CACNG3: variants seen among roughly 807,000 people sequenced by gnomAD.
CACNG3 encodes the protein voltage-dependent calcium channel gamma-3 subunit.
CACNG3 carries 3 observed loss-of-function variants against 28.5 expected under a neutral mutation model. The observed-to-expected ratio is 0.11, with a 90% CI of 0.05 to 0.27. The LOEUF is 0.27. CACNG3 is among the 10% of genes least tolerant of loss of function. The pLI is 1.00. For missense variants in CACNG3, 236 were observed against 414.4 expected (o/e 0.57, Z 3.74); for synonymous variants, 174 against 162.2 (o/e 1.07, Z -0.55).
chr16:24,304,634 C>T (rs951875614), intron 1 of CACNG3, among the ~76,000 whole-genome samples: 2 of 152,150 alleles, frequency 1.3e-5, no homozygotes, highest in East Asian at 3.9e-4. Context: ...AGTGCAGTAG[C>T]GCAATCTCAG....
intron 1 of CACNG3, among the ~76,000 whole-genome samples, chr16:24,317,616 AAGAAAGAAAG>A (rs1899381066): frequency 4.4e-5 from 3 of 68,872 alleles, no homozygotes; most frequent in African/African-American, 2.0e-4. Flanking sequence ...GAAAGAAAGA[AAGAAAGAAAG>A]ACAGACAGAA....
intron 1 of CACNG3, among the ~76,000 whole-genome samples, chr16:24,268,914 G>T (rs1004102575): frequency 1.3e-5 from 2 of 152,164 alleles, no homozygotes; most frequent in Admixed American, 1.3e-4. Flanking sequence ...TCAACTCCAG[G>T]TTTTGGGCTT....
At position 24,299,344 on chromosome 16, in the gene CACNG3, T is replaced by C. The variant is rs192558551; in HGVS notation, c.211+42379T>C. Among the ~76,000 whole-genome samples, 44 of 152,344 alleles carry C rather than the reference T, an allele frequency of 2.9e-4. No homozygotes were observed. The East Asian group carries it at 8.1e-3, about 28-fold the overall frequency. ...CTTCGGCACTGGGAATGCTTTCAGC[T>C]GCCTCCTGTGTCCCTTTGAAGCAGC... On this transcript the variant is annotated intron_variant, in intron 1 of 3. Coordinates refer to ENST00000005284, the MANE Select transcript of CACNG3 (RefSeq NM_006539.4).
chr16:24,324,733 C>G (rs1899516967), intron 1 of CACNG3, among the ~76,000 whole-genome samples: 1 of 152,194 alleles, frequency 6.6e-6, no homozygotes, highest in African/African-American at 2.4e-5. Context: ...TCAGCCTTCT[C>G]TCAGCTTTTC....
Position 24,346,837 on chromosome 16 carries a change from G to C in CACNG3, c.295+20G>C, listed in dbSNP as rs193097772. On this transcript the variant is annotated intron_variant, in intron 2 of 3. Coordinates refer to ENST00000005284, the MANE Select transcript of CACNG3 (RefSeq NM_006539.4). Reference sequence around the variant, plus strand: ...TCCTGCGTAAGTTCCCCGGCTTCTCGGGTCTCTCTGGGAGGAAGGGATGGG... The same window carrying C: ...TCCTGCGTAAGTTCCCCGGCTTCTCCGGTCTCTCTGGGAGGAAGGGATGGG... 6.3e-7 allele frequency: 1 copy of C among 1,597,418 alleles called. No homozygotes were observed. Among genetic ancestry groups the C allele is most frequent in the South Asian group, 1.1e-5 (1 of 90,702 alleles).
chr16:24,316,713 G>C (rs2141367401), intron 1 of CACNG3, among the ~76,000 whole-genome samples: 1 of 152,314 alleles, frequency 6.6e-6, no homozygotes, highest in East Asian at 1.9e-4. Context: ...GACCCAGGCT[G>C]TCCCTTCCCC....
chr16:24,278,878 T>C (rs1210804624), intron 1 of CACNG3, among the ~76,000 whole-genome samples: 3 of 152,162 alleles, frequency 2.0e-5, no homozygotes, highest in Admixed American at 6.5e-5. Flanking sequence ...AGCTGACTCC[T>C]TGAATGGAGA....
chr16:24,341,937 A>T (rs1233240967), intron 1 of CACNG3, among the ~76,000 whole-genome samples: 2 of 152,204 alleles, frequency 1.3e-5, no homozygotes, highest in East Asian at 3.9e-4. Flanking sequence ...AGAAACTGCG[A>T]ATCAGTTTTT....
chr16:24,262,544 C>CT (rs1898550009), intron 1 of CACNG3, among the ~76,000 whole-genome samples: 1 of 152,254 alleles, frequency 6.6e-6, no homozygotes, highest in South Asian at 2.1e-4. Flanking sequence ...TACCCTAGCC[C>CT]TTACTGGGGC....
At chr16:24,330,118 A>C (rs534777964) in intron 1 of CACNG3, among the ~76,000 whole-genome samples, 1 of 152,346 alleles carries the variant, frequency 6.6e-6, no homozygotes, top group Non-Finnish European at 1.5e-5. Flanking sequence ...CGCAATGAGC[A>C]TCCCTCACAT....
chr16:24,358,881 G>A (rs1262360337), intron 3 of CACNG3, among the ~76,000 whole-genome samples: 1 of 152,148 alleles, frequency 6.6e-6, no homozygotes, highest in African/African-American at 2.4e-5. Context: ...ATCTGTAAAA[G>A]AGAAATCATT....
intron 1 of CACNG3, among the ~76,000 whole-genome samples, chr16:24,276,941 T>C (rs1898760497): frequency 6.6e-6 from 1 of 152,190 alleles, no homozygotes; most frequent in Non-Finnish European, 1.5e-5. Flanking sequence ...CCTTCTAACC[T>C]ATAATTAAAG....
chr16:24,312,953 A>G (rs202054232), intron 1 of CACNG3, among the ~76,000 whole-genome samples: 1,052 of 74,828 alleles, frequency 0.014, 10 homozygotes, highest in African/African-American at 0.042. Context: ...GAAAGAAAGA[A>G]AGAGAAAGAA....
At position 24,319,901 on chromosome 16, in the gene CACNG3, G is replaced by C. The variant is rs552442505; in HGVS notation, c.212-26833G>C. On this transcript the variant is annotated intron_variant, in intron 1 of 3. Coordinates refer to ENST00000005284, the MANE Select transcript of CACNG3 (RefSeq NM_006539.4). ...TTCTCCTGCCTCAGCCTCCCAAGGA[G>C]CTGGGACTACAGGTGCACACCACCA... Among the ~76,000 whole-genome samples, 768 of 152,276 alleles carry C rather than the reference G, an allele frequency of 5.0e-3. 4 individuals carry two copies. Among genetic ancestry groups the C allele is most frequent in the Non-Finnish European group, 8.4e-3 (574 of 68,024 alleles).
intron 1 of CACNG3, among the ~76,000 whole-genome samples, chr16:24,296,146 A>G (rs1358100493): frequency 6.6e-6 from 1 of 152,196 alleles, no homozygotes; most frequent in East Asian, 1.9e-4. Flanking sequence ...AGTGTCCACA[A>G]GCTCACAATT....
At chr16:24,336,184 C>G (rs1036425377) in intron 1 of CACNG3, among the ~76,000 whole-genome samples, 1 of 151,716 alleles carries the variant, frequency 6.6e-6, no homozygotes, top group Non-Finnish European at 1.5e-5. Flanking sequence ...GAGATTGCAC[C>G]ACTGCACTCC....
intron 1 of CACNG3, among the ~76,000 whole-genome samples, chr16:24,325,016 T>C (rs1899522099): frequency 6.6e-6 from 1 of 152,196 alleles, no homozygotes. Context: ...TTTGTTCCAT[T>C]GTCCTCCCCA....
intron 1 of CACNG3, among the ~76,000 whole-genome samples, chr16:24,299,957 C>CACAT (rs1460661054): frequency 6.6e-6 from 1 of 151,964 alleles, no homozygotes; most frequent in African/African-American, 2.4e-5. Context: ...CACACACACA[C>CACAT]ACATACGATA....
At chr16:24,355,340 A>G (rs1900015570) in intron 3 of CACNG3, among the ~76,000 whole-genome samples, 1 of 150,300 alleles carries the variant, frequency 6.7e-6, no homozygotes, top group Non-Finnish European at 1.5e-5. Flanking sequence ...TGGGGAGGCT[A>G]CAGCAGGAGG....
Sources: gnomAD v4.1 joint callset for allele counts (sites outside exome capture counted in the v4.1 genomes callset) on GRCh38, gnomAD v4.1.1 for gene constraint, MANE v1.5 for transcripts, NCBI Gene and HGNC (gene_info 2026-07-23, HGNC 2026-07-21) for gene names.